Variants in ABLIM1 observed in about 807,000 individuals in gnomAD.
The protein encoded by ABLIM1 is actin binding LIM protein 1, also known as actin-binding LIM protein 1.
A neutral mutation model predicts 107.0 loss-of-function variants in ABLIM1; 40 were observed. That is an observed-to-expected ratio of 0.37 (90% CI 0.29 to 0.49). ABLIM1 has a LOEUF of 0.49. Ranked by LOEUF, ABLIM1 falls within the 20% of genes least tolerant of loss-of-function variation. ABLIM1 has a pLI of 0.97. For missense variants in ABLIM1, 857 were observed against 1,008.5 expected, an observed-to-expected ratio of 0.85 and a Z score of 2.04; for synonymous variants, 357 against 357.3, an observed-to-expected ratio of 1.00 and a Z score of 0.01.
At chr10:114,749,481 CA>C (rs2082462693) in intron 1 of ABLIM1, among the ~76,000 whole-genome samples, 1 of 150,772 alleles carries the variant, frequency 6.6e-6, no homozygotes, top group African/African-American at 2.5e-5. Flanking sequence ...CACACACACA[CA>C]CACCACAAAA....
chr10:114,533,662 T>TTG (rs1555159555), intron 6 of ABLIM1, among the ~76,000 whole-genome samples: 209 of 151,930 alleles, frequency 1.4e-3, no homozygotes, highest in South Asian at 5.6e-3. Flanking sequence ...TTATCGTGTT[T>TTG]TTGTTGTTGT....
At chr10:114,596,459 A>G (rs1470419224) in intron 2 of ABLIM1, among the ~76,000 whole-genome samples, 1 of 152,200 alleles carries the variant, frequency 6.6e-6, no homozygotes, top group African/African-American at 2.4e-5. Context: ...CCATCTACTC[A>G]GGATCACTTG....
intron 4 of ABLIM1, among the ~76,000 whole-genome samples, chr10:114,566,222 G>T (rs2070726813): frequency 6.6e-6 from 1 of 152,180 alleles, no homozygotes; most frequent in South Asian, 2.1e-4. Flanking sequence ...ATGTGTTTGT[G>T]TGGGTGTTCA....
At chr10:114,748,975 C>T (rs893647568) in intron 1 of ABLIM1, among the ~76,000 whole-genome samples, 2 of 152,064 alleles carry the variant, frequency 1.3e-5, no homozygotes, top group African/African-American at 2.4e-5. Flanking sequence ...ACCCAGCAAG[C>T]GGCTGAGATT....
chr10:114,591,014 T>C (rs1242952879), intron 2 of ABLIM1, among the ~76,000 whole-genome samples: 1 of 152,200 alleles, frequency 6.6e-6, no homozygotes, highest in Non-Finnish European at 1.5e-5. Flanking sequence ...AGTCAACTCT[T>C]ACATCACACT....
chr10:114,536,590 TGTA>T (rs982166388), intron 6 of ABLIM1, among the ~76,000 whole-genome samples: 6 of 152,196 alleles, frequency 3.9e-5, no homozygotes, highest in African/African-American at 1.4e-4. Flanking sequence ...TCCTCGAAGT[TGTA>T]GTATATATCA....
chr10:114,533,662 T>G (rs10885571), intron 6 of ABLIM1, among the ~76,000 whole-genome samples: 61,609 of 151,874 alleles, frequency 0.41, 13,701 homozygotes, highest in Non-Finnish European at 0.51. Context: ...TTATCGTGTT[T>G]TTGTTGTTGT....
At position 114,603,031 on chromosome 10, in the gene ABLIM1, A is replaced by G. The variant is rs1411788434; in HGVS notation, c.245-1070T>C. 2.6e-5 allele frequency among the ~76,000 whole-genome samples: 4 copies of G among 152,198 alleles called. No homozygotes were observed. In the East Asian group the frequency reaches 7.7e-4, roughly 29 times the overall value. On this transcript the variant is annotated intron_variant, in intron 1 of 22. Transcript: ENST00000533213. ...TTGATGTGGGGCCTCAGAAGGAGGA[A>G]CATGGTGATATATAAAAACATACTC...
At position 114,742,513 on chromosome 10, in the gene ABLIM1, C is replaced by A. The variant is rs566330549; in HGVS notation, c.-213+25548G>T. ...TCATCTGCACTCCTCATATCACCTA[C>A]TTTCACAGGCAGAATACCCAGACCA... On this transcript the variant is annotated intron_variant, in intron 1 of 15. Transcript: ENST00000651092. Among the ~76,000 whole-genome samples the A allele has an allele frequency of 3.3e-5, 5 of 152,330 alleles. No individual in the cohort carries two copies. The South Asian group carries it at 1.0e-3, about 32-fold the overall frequency.
chr10:114,646,826 T>G (rs565033903), intron 1 of ABLIM1, among the ~76,000 whole-genome samples: 5 of 152,264 alleles, frequency 3.3e-5, no homozygotes, highest in Admixed American at 3.3e-4. Context: ...TGCATCTTCT[T>G]TAAACTCTTA....
chr10:114,726,851 T>G (rs567218651), intron 1 of ABLIM1, among the ~76,000 whole-genome samples: 6 of 152,220 alleles, frequency 3.9e-5, no homozygotes. Flanking sequence ...TCCGCCCCCA[T>G]GATCCAGTCA....
intron 6 of ABLIM1, among the ~76,000 whole-genome samples, chr10:114,517,342 G>A (rs1441625443): frequency 1.6e-4 from 24 of 152,080 alleles, no homozygotes. Flanking sequence ...TGAAGATGAA[G>A]GCAGAGACTG....
intron 20 of ABLIM1, among the ~76,000 whole-genome samples, 166 bp from the exon 21 acceptor site, chr10:114,439,416 G>A (rs941853): frequency 0.2 from 29,973 of 152,138 alleles, 3,385 homozygotes; most frequent in African/African-American, 0.31. Flanking sequence ...TTGCTGTATA[G>A]GAACAGGAAT....
At chr10:114,787,579 T>TG in the ABLIM1 span, among the ~76,000 whole-genome samples, 10 of 83,572 alleles carry the variant, frequency 1.2e-4, no homozygotes, top group South Asian at 4.2e-4. Context: ...GGGAGGGAGG[T>TG]GGGGGGTCAG....
chr10:114,452,911 C>T (rs2062117839), intron 13 of ABLIM1, among the ~76,000 whole-genome samples: 1 of 152,198 alleles, frequency 6.6e-6, no homozygotes, highest in Non-Finnish European at 1.5e-5. Flanking sequence ...CCCAATTCTA[C>T]ATCTCTCTGA....
chr10:114,737,948 T>C (rs1291330039), intron 1 of ABLIM1, among the ~76,000 whole-genome samples: 1 of 151,810 alleles, frequency 6.6e-6, no homozygotes, highest in Non-Finnish European at 1.5e-5. Flanking sequence ...CTTTTGTGAA[T>C]ATTAAAAAAC....
intron 14 of ABLIM1, among the ~76,000 whole-genome samples, chr10:114,451,171 A>T (rs2061828787): frequency 1.3e-5 from 2 of 152,170 alleles, no homozygotes; most frequent in Admixed American, 1.3e-4. Flanking sequence ...ACACATCTTC[A>T]TGCCCAATAA....
chr10:114,736,776 A>G (rs2082188888), intron 1 of ABLIM1, among the ~76,000 whole-genome samples: 2 of 145,844 alleles, frequency 1.4e-5, no homozygotes, highest in South Asian at 4.2e-4. Context: ...TGAACATCCT[A>G]CTAACTCTGG....
At chr10:114,673,780 G>A (rs1267623468) in intron 1 of ABLIM1, among the ~76,000 whole-genome samples, 4 of 152,184 alleles carry the variant, frequency 2.6e-5, no homozygotes, top group Non-Finnish European at 5.9e-5. Context: ...TTTATTATAT[G>A]ACCAATTATT....
Sources: gnomAD v4.1 joint callset for allele counts (sites outside exome capture counted in the v4.1 genomes callset) on GRCh38, gnomAD v4.1.1 for gene constraint, MANE v1.5 for transcripts, NCBI Gene and HGNC (gene_info 2026-07-23, HGNC 2026-07-21) for gene names.